The following STMP1 variants were observed in gnomAD, a reference collection of about 807,000 sequenced individuals.
STMP1 encodes short transmembrane mitochondrial protein 1.
A neutral mutation model predicts 7.0 loss-of-function variants in STMP1; 7 were observed. That is an observed-to-expected ratio of 1.01 (90% CI 0.57 to 1.89). The LOEUF (loss-of-function observed/expected upper bound fraction) is 1.89. Among genes scored for constraint, STMP1 ranks in the 40% most tolerant of loss-of-function variants. The pLI is 0.00. For missense variants in STMP1, 45 were observed against 53.0 expected, an observed-to-expected ratio of 0.85 and a Z score of 0.47; for synonymous variants, 19 against 18.4, an observed-to-expected ratio of 1.03 and a Z score of -0.08.
intron 1 of STMP1, among the ~76,000 whole-genome samples, chr7:135,664,975 T>C (rs1037118236): frequency 1.2e-4 from 19 of 152,294 alleles, no homozygotes; most frequent in Admixed American, 1.2e-3. Context: ...CTATTGAAAT[T>C]TTCTGTGCTC....
Position 135,674,221 on chromosome 7 carries a change from C to A in STMP1, c.*56C>A, listed in dbSNP as rs150488509. 1.6e-6 allele frequency: 2 copies of A among 1,276,832 alleles called. No homozygotes were observed. Among genetic ancestry groups the A allele is most frequent in the East Asian group, 2.6e-5 (1 of 39,150 alleles). 79.1% of individuals were successfully genotyped at this position (1,276,832 alleles called of 1,614,324 possible). ...CTGATTCTACTGCTCTTGAGGGCCT[C>A]GTTTACTATCTGAACCAAAAGCTTT... is the stretch of plus-strand genomic sequence containing the variant. On this transcript the variant is annotated 3_prime_UTR_variant, in exon 3 of 3. Transcript: ENST00000507606.
chr7:135,667,490 G>C (rs1040461553), intron 1 of STMP1, among the ~76,000 whole-genome samples: 2 of 152,248 alleles, frequency 1.3e-5, no homozygotes, highest in Admixed American at 6.5e-5. Flanking sequence ...GGGATTACAG[G>C]TGTGAACCAC....
chr7:135,672,575 C>T (rs994170955), intron 1 of STMP1, among the ~76,000 whole-genome samples, 178 bp from the exon 2 acceptor site: 5 of 152,146 alleles, frequency 3.3e-5, no homozygotes, highest in Admixed American at 6.5e-5. Flanking sequence ...GAGAGGGCAT[C>T]TCTGTGTTTA....
chr7:135,673,842 C>T (rs1795381652), intron 2 of STMP1, among the ~76,000 whole-genome samples: 1 of 152,022 alleles, frequency 6.6e-6, no homozygotes, highest in South Asian at 2.1e-4. Flanking sequence ...GGGATTGTGG[C>T]GGGAAGGATC....
chr7:135,663,010 G>T (rs886168888), intron 1 of STMP1, among the ~76,000 whole-genome samples: 3 of 152,300 alleles, frequency 2.0e-5, no homozygotes, highest in Admixed American at 1.3e-4. Flanking sequence ...CTGCTAGTTG[G>T]CTTTTCTGAG....
Position 135,674,484 on chromosome 7 carries a change from CT to C in STMP1, c.*325del. On this transcript the variant is annotated 3_prime_UTR_variant, in exon 3 of 3. Coordinates refer to ENST00000507606, the MANE Select transcript of STMP1 (RefSeq NM_001130929.2). ...CTTTATCGTTTGCGATTTTTACTAC[CT>C]TTTTTCAAAAGAAAAATTGATGAGT... 1 of 228,564 alleles carries C rather than the reference CT, an allele frequency of 4.4e-6. No individual in the cohort carries two copies. Among genetic ancestry groups the C allele is most frequent in the East Asian group, 9.1e-5 (1 of 10,958 alleles). The allele number at this position is 228,564 out of a possible 1,614,324, so 14.2% of individuals were successfully genotyped here. A position where few individuals can be genotyped will look rare whatever the true frequency, so the allele number is the denominator to read the frequency against.
chr7:135,663,939 C>T (rs1488111787), intron 1 of STMP1, among the ~76,000 whole-genome samples: 1 of 152,250 alleles, frequency 6.6e-6, no homozygotes. Flanking sequence ...CCTCCGCGCC[C>T]GGCCCCAAAT....
chr7:135,665,721 A>G (rs562911492), intron 1 of STMP1: 109 of 152,010 alleles, frequency 7.2e-4, no homozygotes, highest in African/African-American at 2.5e-3. Flanking sequence ...CTTTTACTGC[A>G]GTAAAAGACA....
chr7:135,664,181 G>T (rs1411664685), intron 1 of STMP1, among the ~76,000 whole-genome samples: 1 of 152,080 alleles, frequency 6.6e-6, no homozygotes, highest in African/African-American at 2.4e-5. Context: ...GATTAAAAGC[G>T]GTATCACTTA....
chr7:135,667,121 A>C (rs889350928), intron 1 of STMP1, among the ~76,000 whole-genome samples: 2 of 152,168 alleles, frequency 1.3e-5, no homozygotes, highest in African/African-American at 4.8e-5. Context: ...CTCAGTGACT[A>C]ATGTTGAGCA....
At position 135,664,590 on chromosome 7, in the gene STMP1, A is replaced by C. The variant is rs932674123; in HGVS notation, c.15+1996A>C. On this transcript the variant is annotated intron_variant, in intron 1 of 2. Transcript: ENST00000507606. ...CCACAGTGTTGGGATTACAGGCATG[A>C]GCCACCACTGTGCCTGGTCAGATTC... Among the ~76,000 whole-genome samples, 3 of 152,042 alleles carry C rather than the reference A, an allele frequency of 2.0e-5. No homozygotes were observed. In the East Asian group the frequency reaches 5.8e-4, roughly 29 times the overall value.
At chr7:135,671,855 G>A (rs1398779561) in intron 1 of STMP1, among the ~76,000 whole-genome samples, 1 of 152,146 alleles carries the variant, frequency 6.6e-6, no homozygotes, top group African/African-American at 2.4e-5. Context: ...TGTCCTCCTT[G>A]TTGTGAATGT....
At chr7:135,671,735 T>G (rs1164221928) in intron 1 of STMP1, among the ~76,000 whole-genome samples, 1 of 152,242 alleles carries the variant, frequency 6.6e-6, no homozygotes. Flanking sequence ...AGACTGTACC[T>G]GTGGCAGAGT....
At chr7:135,669,082 CCT>C (rs1400210248) in intron 1 of STMP1, among the ~76,000 whole-genome samples, 1 of 152,210 alleles carries the variant, frequency 6.6e-6, no homozygotes, top group African/African-American at 2.4e-5. Context: ...CAGGGGAACT[CCT>C]CTTTATAAAA....
chr7:135,667,825 A>G (rs1235527923), intron 1 of STMP1, among the ~76,000 whole-genome samples: 2 of 150,032 alleles, frequency 1.3e-5, no homozygotes, highest in Non-Finnish European at 3.0e-5. Context: ...GGTTACTTGT[A>G]CTTTTGGTGT....
At chr7:135,663,957 C>T (rs1191716158) in intron 1 of STMP1, among the ~76,000 whole-genome samples, 1 of 152,232 alleles carries the variant, frequency 6.6e-6, no homozygotes, top group Non-Finnish European at 1.5e-5. Flanking sequence ...AATGCTGTAT[C>T]TTTATCAAAG....
chr7:135,669,652 C>G (rs1795337223), intron 1 of STMP1, among the ~76,000 whole-genome samples: 1 of 152,192 alleles, frequency 6.6e-6, no homozygotes, highest in African/African-American at 2.4e-5. Flanking sequence ...TACCTCGGTA[C>G]TTAACACCCC....
At chr7:135,671,683 T>C (rs1206788445) in intron 1 of STMP1, among the ~76,000 whole-genome samples, 1 of 152,234 alleles carries the variant, frequency 6.6e-6, no homozygotes, top group African/African-American at 2.4e-5. Context: ...CACCCGTCTC[T>C]TGTCACTGTG....
At chr7:135,662,777 C>A (rs1478664247) in intron 1 of STMP1, among the ~76,000 whole-genome samples, 183 bp downstream of exon 1, 1 of 152,234 alleles carries the variant, frequency 6.6e-6, no homozygotes, top group African/African-American at 2.4e-5. Flanking sequence ...CCAGAAAATC[C>A]CTTTGCCAAT....
Sources: allele counts gnomAD v4.1 joint callset (sites outside exome capture counted in the v4.1 genomes callset), GRCh38; gene constraint gnomAD v4.1.1; transcripts MANE v1.5; gene names NCBI Gene and HGNC (gene_info 2026-07-23, HGNC 2026-07-21).